Variants in NELL2 observed in about 807,000 individuals in gnomAD.
NELL2 encodes neural EGFL like 2.
In NELL2, 41 loss-of-function variants were observed where a neutral mutation model predicts 109.6. The observed-to-expected ratio is 0.37, with a 90% CI of 0.29 to 0.49. NELL2 has a LOEUF of 0.49. NELL2 is among the 20% of genes least tolerant of loss of function. The pLI, the probability that NELL2 is intolerant of heterozygous loss-of-function variation, is 0.98. For synonymous variants in NELL2, 355 were observed against 344.7 expected, an observed-to-expected ratio of 1.03 and a Z score of -0.33; for missense variants, 900 against 1,008.3, an observed-to-expected ratio of 0.89 and a Z score of 1.45.
chr12:44,717,417 T>C (rs1051614469), intron 9 of NELL2, among the ~76,000 whole-genome samples: 10 of 152,164 alleles, frequency 6.6e-5, no homozygotes, highest in Non-Finnish European at 1.3e-4. Flanking sequence ...GAATTTAATG[T>C]GCTTCATGCC....
chr12:44,700,179 C>G (rs1267689195), intron 12 of NELL2, among the ~76,000 whole-genome samples: 3 of 152,118 alleles, frequency 2.0e-5, no homozygotes, highest in Non-Finnish European at 4.4e-5. Flanking sequence ...CTACTACCAC[C>G]AATTAATCAA....
intron 13 of NELL2, among the ~76,000 whole-genome samples, chr12:44,615,828 T>C (rs1945800279): frequency 6.6e-6 from 1 of 152,144 alleles, no homozygotes; most frequent in African/African-American, 2.4e-5. Context: ...AGGACAGACA[T>C]CACTTTCTGT....
At chr12:44,625,447 G>GC (rs1371630742) in intron 13 of NELL2, among the ~76,000 whole-genome samples, 3 of 151,988 alleles carry the variant, frequency 2.0e-5, no homozygotes, top group Admixed American at 2.0e-4. Context: ...TCAAAAGGAG[G>GC]CCCCTAGCTC....
At chr12:44,708,143 G>A (rs1464791088) in intron 11 of NELL2, among the ~76,000 whole-genome samples, 1 of 152,152 alleles carries the variant, frequency 6.6e-6, no homozygotes, top group Admixed American at 6.5e-5. Context: ...AATCCTCACT[G>A]AATCACTCAG....
intron 15 of NELL2, among the ~76,000 whole-genome samples, chr12:44,569,150 T>A (rs1299138404): frequency 6.6e-6 from 1 of 152,186 alleles, no homozygotes; most frequent in Non-Finnish European, 1.5e-5. Context: ...TTTCTGTTAC[T>A]GCATTAGTTT....
chr12:44,833,507 C>G (rs1436585712), intron 2 of NELL2, among the ~76,000 whole-genome samples: 1 of 152,056 alleles, frequency 6.6e-6, no homozygotes, highest in Admixed American at 6.5e-5. Context: ...TCCTTAAGGA[C>G]AAAACTGTGT....
intron 1 of NELL2, among the ~76,000 whole-genome samples, chr12:44,883,067 T>C (rs909189442): frequency 4.0e-5 from 6 of 151,096 alleles, no homozygotes; most frequent in Admixed American, 4.0e-4. Flanking sequence ...CAGGCTGATC[T>C]TGAACTCCTT....
At chr12:44,643,782 A>C (rs573173635) in intron 13 of NELL2, among the ~76,000 whole-genome samples, 2 of 152,320 alleles carry the variant, frequency 1.3e-5, no homozygotes, top group Non-Finnish European at 2.9e-5. Context: ...TTCTATGGAT[A>C]AATATTATCC....
Position 44,834,559 on chromosome 12 carries a change from C to T in NELL2, c.185-18423G>A, listed in dbSNP as rs541416257. Among the ~76,000 whole-genome samples the T allele has an allele frequency of 1.3e-3, 193 of 152,060 alleles. 1 individual carries two copies. Among genetic ancestry groups the T allele is most frequent in the African/African-American group, 4.5e-3 (186 of 41,478 alleles). ...AATACCCAGGGGGCCAGGCCCAGTGCTGCCCCTCCTGGACAACAATTTAGC... is the reference window on the plus strand; with the variant it reads ...AATACCCAGGGGGCCAGGCCCAGTGTTGCCCCTCCTGGACAACAATTTAGC... On this transcript the variant is annotated intron_variant, in intron 2 of 19. Coordinates refer to ENST00000429094, the MANE Select transcript of NELL2 (RefSeq NM_001145108.2).
chr12:44,622,854 A>G (rs1566036325), intron 13 of NELL2, among the ~76,000 whole-genome samples: 1 of 152,146 alleles, frequency 6.6e-6, no homozygotes, highest in Non-Finnish European at 1.5e-5. Flanking sequence ...TGTTATTTCA[A>G]TATCTCCTGC....
At chr12:44,676,518 T>G (rs1171265047) in intron 12 of NELL2, among the ~76,000 whole-genome samples, 1 of 152,132 alleles carries the variant, frequency 6.6e-6, no homozygotes, top group Non-Finnish European at 1.5e-5. Flanking sequence ...CATCTGAATG[T>G]ATGATTGAAG....
In NELL2 at chr12:44,508,788, C is replaced by T; in HGVS notation, c.*146G>A. On this transcript the variant is annotated 3_prime_UTR_variant, in exon 20 of 20. Transcript: ENST00000429094. ...CCTTTTGTGATTTTGTCAAGCTCCA[C>T]AAATTTCATAATTGAAAGTTCACTC... The T allele has an allele frequency of 1.4e-6, 1 of 693,696 alleles. No individual in the cohort carries two copies. Among genetic ancestry groups the T allele is most frequent in the African/African-American group, 1.8e-5 (1 of 55,292 alleles). The allele number at this position is 693,696 out of a possible 1,614,324, so 43.0% of individuals were successfully genotyped here. A position where few individuals can be genotyped will look rare whatever the true frequency, so the allele number is the denominator to read the frequency against.
In NELL2 at chr12:44,618,313, C is replaced by G. The variant is rs77309007; in HGVS notation, c.1445-7343G>C. ...TGTTATTCTTCAGTTTGCTTGGCAA[C>G]TAGGAATTTGTTCTGATTTTCTTCT... is the stretch of plus-strand genomic sequence containing the variant. On this transcript the variant is annotated intron_variant, in intron 13 of 19. Coordinates refer to ENST00000429094, the MANE Select transcript of NELL2 (RefSeq NM_001145108.2). Among the ~76,000 whole-genome samples, 452 of 152,236 alleles carry G rather than the reference C, an allele frequency of 3.0e-3. 1 individual carries two copies. Among genetic ancestry groups the G allele is most frequent in the Non-Finnish European group, 5.8e-3 (396 of 68,002 alleles).
At position 44,813,816 on chromosome 12, in the gene NELL2, T is replaced by C. The variant is rs577759168; in HGVS notation, c.335+2170A>G. 5.3e-5 allele frequency among the ~76,000 whole-genome samples: 8 copies of C among 152,310 alleles called. No individual in the cohort carries two copies. In the East Asian group the frequency reaches 1.5e-3, roughly 29 times the overall value. ...TAAAACAATAAATATTATTTTCAATTGAAATAAATACATTTAAAGCCCTGC... is the reference window on the plus strand; with the variant it reads ...TAAAACAATAAATATTATTTTCAATCGAAATAAATACATTTAAAGCCCTGC... On this transcript the variant is annotated intron_variant, in intron 3 of 19. Transcript: ENST00000429094.
intron 2 of NELL2, among the ~76,000 whole-genome samples, chr12:44,850,366 T>C (rs1229221117): frequency 2.0e-5 from 3 of 152,134 alleles, no homozygotes; most frequent in Non-Finnish European, 2.9e-5. Context: ...GTGTTAGAGA[T>C]AGAGTGACAA....
chr12:44,861,695 C>A (rs1336413989), intron 2 of NELL2, among the ~76,000 whole-genome samples: 2 of 152,230 alleles, frequency 1.3e-5, no homozygotes, highest in African/African-American at 4.8e-5. Flanking sequence ...GGGCAGCGAC[C>A]ATGGACTATG....
chr12:44,726,582 TA>T (rs1471891830), intron 9 of NELL2, among the ~76,000 whole-genome samples: 1 of 152,162 alleles, frequency 6.6e-6, no homozygotes, highest in Non-Finnish European at 1.5e-5. Flanking sequence ...CTTTTCTAAC[TA>T]AACATAAAGG....
chr12:44,724,190 C>G (rs963753447), intron 9 of NELL2, among the ~76,000 whole-genome samples: 2 of 150,988 alleles, frequency 1.3e-5, no homozygotes, highest in Non-Finnish European at 2.9e-5. Flanking sequence ...GAGCTAAACA[C>G]TGAATACATA....
At chr12:44,816,567 A>G (rs2136686326) in intron 2 of NELL2, among the ~76,000 whole-genome samples, 1 of 152,344 alleles carries the variant, frequency 6.6e-6, no homozygotes, top group Admixed American at 6.5e-5. Flanking sequence ...CTCATGACAG[A>G]AAACTGGATT....
Sources: allele counts gnomAD v4.1 joint callset (sites outside exome capture counted in the v4.1 genomes callset), GRCh38; gene constraint gnomAD v4.1.1; transcripts MANE v1.5; gene names NCBI Gene and HGNC (gene_info 2026-07-23, HGNC 2026-07-21).